Variants in CYRIB observed in about 807,000 individuals in gnomAD.
The protein encoded by CYRIB is CYFIP-related Rac1 interactor B.
CYRIB carries 8 observed loss-of-function variants against 44.2 expected under a neutral mutation model. The ratio of observed to expected loss-of-function variants is 0.18; its 90% CI spans 0.11 to 0.33. The LOEUF (loss-of-function observed/expected upper bound fraction) is 0.33, where lower values mean the gene tolerates loss of function less well. CYRIB is among the 10% of genes least tolerant of loss of function. The pLI is 1.00. For synonymous variants in CYRIB, 131 were observed against 127.2 expected (o/e 1.03, Z -0.20); for missense variants, 185 against 382.8 (o/e 0.48, Z 4.31).
At chr8:129,859,127 C>T (rs1352879416) in intron 5 of CYRIB, among the ~76,000 whole-genome samples, 1 of 152,174 alleles carries the variant, frequency 6.6e-6, no homozygotes, top group Non-Finnish European at 1.5e-5. Flanking sequence ...GAGTGTGAGC[C>T]ATCTCCAATG....
chr8:129,921,655 T>C (rs1245910888), intron 1 of CYRIB, among the ~76,000 whole-genome samples: 1 of 152,128 alleles, frequency 6.6e-6, no homozygotes, highest in Non-Finnish European at 1.5e-5. Flanking sequence ...AGGATAAAAT[T>C]TAGTATCACC....
intron 2 of CYRIB, among the ~76,000 whole-genome samples, chr8:129,961,156 A>G (rs1302072217): frequency 6.6e-6 from 1 of 152,168 alleles, no homozygotes; most frequent in Admixed American, 6.5e-5. Flanking sequence ...CCCCTGAAAA[A>G]TGGAGACAAT....
At chr8:129,850,707 A>G in intron 9 of CYRIB, 128 bp downstream of exon 11, 2 of 710,500 alleles carry the variant, frequency 2.8e-6, no homozygotes, top group Non-Finnish European at 4.8e-6. Flanking sequence ...TTAACATTCA[A>G]TATTTGGAAT....
At position 129,993,861 on chromosome 8, in the gene CYRIB, C is replaced by CA. The variant is rs113438463; in HGVS notation, c.-296+22508dup. 2.6e-3 allele frequency among the ~76,000 whole-genome samples: 371 copies of CA among 140,760 alleles called. 1 individual carries two copies. Among genetic ancestry groups the CA allele is most frequent in the Middle Eastern group, 0.014 (4 of 282 alleles). The allele number at this position is 140,760 out of a possible 152,430, so 92.3% of individuals were successfully genotyped here. On this transcript the variant is annotated intron_variant, in intron 1 of 14. Transcript: ENST00000401979. Reference sequence around the variant, plus strand: ...TGGGTGACAAAACCAGACCCTGTCTCAAAAAAAAAAAAAGGAGTCCTTGTG... The same window carrying CA: ...TGGGTGACAAAACCAGACCCTGTCTCAAAAAAAAAAAAAAGGAGTCCTTGTG...
rs1390045846 is a variant in CYRIB, at chr8:129,855,750, A to G, written c.302-3T>C. On this transcript the variant is annotated splice_region_variant and splice_polypyrimidine_tract_variant and intron_variant, in intron 5 of 11. Transcript: ENST00000519824. ...CAGAAGACCTCTTAATGCTGCTTCT[A>G]AAGAAAAAAATTGAAAAAAACATTA... 3 of 1,592,296 alleles carry G rather than the reference A, an allele frequency of 1.9e-6. No homozygotes were observed. Among genetic ancestry groups the G allele is most frequent in the Non-Finnish European group, 2.6e-6 (3 of 1,171,270 alleles).
At chr8:129,899,347 G>A (rs986076067) in intron 2 of CYRIB, among the ~76,000 whole-genome samples, 1 of 152,070 alleles carries the variant, frequency 6.6e-6, no homozygotes, top group Non-Finnish European at 1.5e-5. Context: ...TTATTTTAAA[G>A]GCTGATTTAT....
At chr8:129,868,885 T>C (rs2055346553) in intron 4 of CYRIB, among the ~76,000 whole-genome samples, 1 of 128,704 alleles carries the variant, frequency 7.8e-6, no homozygotes, top group African/African-American at 3.0e-5. Context: ...TGGGAAGTAC[T>C]GCAATTAAAA....
chr8:129,876,679 T>C (rs2059225971), intron 3 of CYRIB, among the ~76,000 whole-genome samples: 1 of 152,254 alleles, frequency 6.6e-6, no homozygotes, highest in South Asian at 2.1e-4. Flanking sequence ...ATGATACAAA[T>C]AGCGAGGTAA....
chr8:129,948,955 G>A (rs1028744979), intron 2 of CYRIB: 1 of 152,188 alleles, frequency 6.6e-6, no homozygotes, highest in African/African-American at 2.4e-5. Context: ...TGAGCCTGTG[G>A]TCCCAGTTAC....
At chr8:129,961,466 C>G (rs762631818) in intron 2 of CYRIB, among the ~76,000 whole-genome samples, 1 of 152,176 alleles carries the variant, frequency 6.6e-6, no homozygotes, top group East Asian at 1.9e-4. Context: ...TAAAACTGGG[C>G]CATCCAGCTT....
At chr8:129,917,905 G>A (rs1282411861) in intron 1 of CYRIB, among the ~76,000 whole-genome samples, 1 of 152,152 alleles carries the variant, frequency 6.6e-6, no homozygotes, top group Admixed American at 6.5e-5. Flanking sequence ...AGCTTTTTAA[G>A]AAATTTAATT....
chr8:129,880,572 C>T (rs2060481606), intron 2 of CYRIB: 2 of 292,102 alleles, frequency 6.8e-6, no homozygotes, highest in Non-Finnish European at 1.0e-5. Context: ...GGTTTATATG[C>T]TTTTGGCATT....
intron 1 of CYRIB, among the ~76,000 whole-genome samples, chr8:129,975,168 T>G (rs971494990): frequency 3.9e-5 from 6 of 151,966 alleles, no homozygotes; most frequent in African/African-American, 1.5e-4. Flanking sequence ...CGTGAGCCAC[T>G]GCGCCTGACC....
chr8:129,910,941 A>C (rs1371033515), intron 1 of CYRIB, among the ~76,000 whole-genome samples: 1 of 152,206 alleles, frequency 6.6e-6, no homozygotes, highest in Non-Finnish European at 1.5e-5. Context: ...TATAGGCATG[A>C]GCCACCTTGC....
chr8:129,910,278 G>T (rs2046260), intron 1 of CYRIB, among the ~76,000 whole-genome samples: 1 of 151,936 alleles, frequency 6.6e-6, no homozygotes, highest in Non-Finnish European at 1.5e-5. Flanking sequence ...TGTGCAGAGG[G>T]CCATGTGAAC....
At chr8:129,962,381 T>C (rs1167063974) in intron 2 of CYRIB, among the ~76,000 whole-genome samples, 1 of 152,156 alleles carries the variant, frequency 6.6e-6, no homozygotes, top group African/African-American at 2.4e-5. Flanking sequence ...AGACTGAGGC[T>C]GCAGTAAGCT....
At chr8:129,855,366 G>C (rs2045666227) in intron 6 of CYRIB, among the ~76,000 whole-genome samples, 1 of 149,838 alleles carries the variant, frequency 6.7e-6, no homozygotes, top group African/African-American at 2.5e-5. Context: ...ACTCTACCCT[G>C]AGTGACAAAG....
upstream of CYRIB, chr8:130,016,473 C>T (rs1040859447): frequency 2.6e-5 from 4 of 153,426 alleles, no homozygotes; most frequent in African/African-American, 9.7e-5. Flanking sequence ...GGGCTCACGT[C>T]ACCGCCACAG....
At chr8:129,911,718 T>TAA (rs1191435495) in intron 1 of CYRIB, among the ~76,000 whole-genome samples, 2 of 151,684 alleles carry the variant, frequency 1.3e-5, no homozygotes, top group Non-Finnish European at 2.9e-5. Context: ...ACAACAGCAA[T>TAA]AATGCTGTTT....
Sources: allele counts gnomAD v4.1 joint callset (sites outside exome capture counted in the v4.1 genomes callset), GRCh38; gene constraint gnomAD v4.1.1; transcripts MANE v1.5; gene names NCBI Gene and HGNC (gene_info 2026-07-23, HGNC 2026-07-21).